The following CCDC146 variants were observed in gnomAD, a reference collection of about 807,000 sequenced individuals.
The protein encoded by CCDC146 is coiled-coil domain containing 146.
CCDC146 carries 92 observed loss-of-function variants against 119.3 expected under a neutral mutation model. That is an observed-to-expected ratio of 0.77 (90% CI 0.65 to 0.92). The LOEUF is 0.92. Among genes scored for constraint, CCDC146 ranks in the 40% least tolerant of loss-of-function variants. CCDC146 has a pLI of 0.00. For missense variants in CCDC146, 1,000 were observed against 1,103.0 expected (o/e 0.91, Z 1.32); for synonymous variants, 372 against 371.8 (o/e 1.00, Z -0.01).
chr7:77,186,830 T>C (rs1016236946), intron 2 of CCDC146, among the ~76,000 whole-genome samples: 2 of 152,082 alleles, frequency 1.3e-5, no homozygotes, highest in African/African-American at 4.8e-5. Flanking sequence ...TAAAGTGACG[T>C]ATAGGAATTG....
intron 2 of CCDC146, among the ~76,000 whole-genome samples, chr7:77,174,230 G>A (rs1489142820): frequency 6.6e-6 from 1 of 152,204 alleles, no homozygotes; most frequent in Non-Finnish European, 1.5e-5. Flanking sequence ...TTCATTAACA[G>A]CATTATGCAT....
At chr7:77,292,582 A>G (rs1266665556) in intron 17 of CCDC146, among the ~76,000 whole-genome samples, 6 of 146,614 alleles carry the variant, frequency 4.1e-5, no homozygotes, top group East Asian at 2.0e-4. Context: ...GCGCTACTGC[A>G]CTCCAGCCAG....
intron 18 of CCDC146, 53 bp from the exon 19 acceptor site, chr7:77,294,610 G>T: frequency 1.3e-6 from 2 of 1,568,682 alleles, no homozygotes; most frequent in Non-Finnish European, 8.8e-7. Flanking sequence ...TAAGGATAAA[G>T]TGACTTCACC....
At position 77,231,346 on chromosome 7, in the gene CCDC146, G is replaced by C. The variant is rs139588478; in HGVS notation, c.157-5601G>C. 2.6e-5 allele frequency among the ~76,000 whole-genome samples: 4 copies of C among 152,050 alleles called. No homozygotes were observed. The East Asian group carries it at 7.7e-4, about 29-fold the overall frequency. ...AAGTGAAAGTTCTCAATTTAATAAG[G>C]AAAGAAAAAAAAGTTTGCTGAGATT... is the stretch of plus-strand genomic sequence containing the variant. On this transcript the variant is annotated intron_variant, in intron 2 of 18. Transcript: ENST00000285871.
At chr7:77,167,865 C>G (rs773522245) in intron 2 of CCDC146, 41 bp downstream of exon 2, 9 of 1,592,598 alleles carry the variant, frequency 5.7e-6, no homozygotes, top group Non-Finnish European at 5.1e-6. Flanking sequence ...AAACCCAACT[C>G]AACATGTACT....
intron 2 of CCDC146, among the ~76,000 whole-genome samples, chr7:77,176,463 T>A (rs1791502052): frequency 6.6e-6 from 1 of 150,914 alleles, no homozygotes; most frequent in African/African-American, 2.5e-5. Flanking sequence ...ATGCTTGGCA[T>A]TCTGATTTAG....
chr7:77,187,654 T>C (rs933226352), intron 2 of CCDC146, among the ~76,000 whole-genome samples: 1 of 152,200 alleles, frequency 6.6e-6, no homozygotes, highest in Non-Finnish European at 1.5e-5. Context: ...GCATTTGATA[T>C]TCTAGAGATG....
intron 1 of CCDC146, among the ~76,000 whole-genome samples, chr7:77,149,169 C>T (rs1562816008): frequency 6.6e-6 from 1 of 152,112 alleles, no homozygotes; most frequent in African/African-American, 2.4e-5. Flanking sequence ...CCAGAAATAA[C>T]ACCACACATC....
chr7:77,235,662 A>G (rs1792720352), intron 2 of CCDC146, among the ~76,000 whole-genome samples: 1 of 152,204 alleles, frequency 6.6e-6, no homozygotes, highest in Non-Finnish European at 1.5e-5. Context: ...TGATTTTTAA[A>G]AAGATCTCCC....
At chr7:77,261,000 G>A (rs1487499870) in intron 8 of CCDC146, among the ~76,000 whole-genome samples, 3 of 151,986 alleles carry the variant, frequency 2.0e-5, no homozygotes, top group Non-Finnish European at 2.9e-5. Flanking sequence ...ATTTTTTTGG[G>A]GGGTGGGGGT....
At chr7:77,187,817 A>C (rs1250459423) in intron 2 of CCDC146, among the ~76,000 whole-genome samples, 1 of 152,194 alleles carries the variant, frequency 6.6e-6, no homozygotes, top group Non-Finnish European at 1.5e-5. Flanking sequence ...TAGATTAAAA[A>C]ATGAGCTAGA....
intron 14 of CCDC146, chr7:77,282,250 CTTTG>C (rs754223292): frequency 8.1e-5 from 22 of 271,254 alleles, no homozygotes; most frequent in Non-Finnish European, 1.2e-4. Context: ...TATGGGATCA[CTTTG>C]TTTGTGCATT....
In CCDC146 at chr7:77,272,113, C is replaced by T. The variant is rs149981483; in HGVS notation, c.1174-1581C>T. ...TTCCTAAAGGAGAAATCAACACTTC[C>T]TTGATGAATATTCACATCTTCCAGG... On this transcript the variant is annotated intron_variant, in intron 9 of 18. Coordinates refer to ENST00000285871, the MANE Select transcript of CCDC146 (RefSeq NM_020879.3). Among the ~76,000 whole-genome samples, 275 of 152,286 alleles carry T rather than the reference C, an allele frequency of 1.8e-3. 3 individuals are homozygous for T. The highest frequency in any genetic ancestry group is 6.3e-3 in the African/African-American group (263 of 41,560).
chr7:77,236,958 G>T lies in CCDC146; in HGVS notation c.168G>T (p.Met56Ile). 6.2e-7 allele frequency: 1 copy of T among 1,613,734 alleles called. No homozygotes were observed. Among genetic ancestry groups the T allele is most frequent in the Non-Finnish European group, 8.5e-7 (1 of 1,179,632 alleles). ...AFIFLHELHA[M>I]GKLPGTRMAA... ...GTTCTCTTTGCTAGTTACATGCTAT[G>T]GGAAAACTTCCTGGAACCAGAATGG... Residue 56 changes from methionine to isoleucine, a missense_variant, in exon 3 of 19, where the codon ATG (methionine) becomes ATT (isoleucine). Physicochemically the swap from Met to Ile is conservative, Grantham distance 10. This residue lies in a region of CCDC146 where 985 missense variants were observed against 1,045.3 expected (regional missense o/e 0.94). Transcript: ENST00000285871.
Position 77,213,906 on chromosome 7 carries a change from G to A in CCDC146, c.157-23041G>A, listed in dbSNP as rs560153782. The stretch of plus-strand genomic sequence containing the variant: ...TTAGGTTGATTCCATGACTGCTATG[G>A]TGAATAGTGCTGCAATAAATATAAG... On this transcript the variant is annotated intron_variant, in intron 2 of 18. Coordinates refer to ENST00000285871, the MANE Select transcript of CCDC146 (RefSeq NM_020879.3). Among the ~76,000 whole-genome samples, 63 of 152,238 alleles carry A rather than the reference G, an allele frequency of 4.1e-4. 1 individual carries two copies. Among genetic ancestry groups the A allele is most frequent in the African/African-American group, 1.4e-3 (60 of 41,524 alleles).
At chr7:77,138,478 A>G (rs936927935) in intron 1 of CCDC146, among the ~76,000 whole-genome samples, 1 of 152,178 alleles carries the variant, frequency 6.6e-6, no homozygotes, top group Non-Finnish European at 1.5e-5. Flanking sequence ...TTTGGTGAAT[A>G]CTTTTTAGAT....
At chr7:77,127,834 G>C (rs1304612647) in intron 1 of CCDC146, among the ~76,000 whole-genome samples, 7 of 151,906 alleles carry the variant, frequency 4.6e-5, no homozygotes, top group Admixed American at 3.9e-4. Flanking sequence ...GTGTTTATAT[G>C]ATTTATGCCT....
intron 4 of CCDC146, among the ~76,000 whole-genome samples, chr7:77,253,665 G>A (rs931648460): frequency 6.6e-6 from 1 of 152,176 alleles, no homozygotes; most frequent in Admixed American, 6.5e-5. Flanking sequence ...GTTTTCTAGT[G>A]GGGAGATGTG....
intron 11 of CCDC146, among the ~76,000 whole-genome samples, chr7:77,275,619 G>C (rs1233959205): frequency 1.3e-5 from 2 of 152,158 alleles, no homozygotes; most frequent in African/African-American, 4.8e-5. Flanking sequence ...CAACTCAAGA[G>C]TGGTAGCATT....
Sources: allele counts gnomAD v4.1 joint callset (sites outside exome capture counted in the v4.1 genomes callset), GRCh38; gene constraint gnomAD v4.1.1; regional missense constraint gnomAD v4.1.1; transcripts MANE v1.5; gene names NCBI Gene and HGNC (gene_info 2026-07-23, HGNC 2026-07-21).